Variants in ABTB3 observed in about 807,000 individuals in gnomAD.
ABTB3 encodes ankyrin repeat and BTB domain containing 3, also known as ankyrin repeat- and BTB/POZ domain-containing protein 3.
At chr12:107,577,150 T>C in the ABTB3 span, among the ~76,000 whole-genome samples, 129 of 152,318 alleles carry the variant, frequency 8.5e-4, 1 homozygote, top group East Asian at 1.9e-4. Context: ...CACTGCAATG[T>C]CAGAGTTGAG....
the ABTB3 span, among the ~76,000 whole-genome samples, chr12:107,474,070 C>T: frequency 6.6e-6 from 1 of 152,212 alleles, no homozygotes; most frequent in Non-Finnish European, 1.5e-5. Context: ...AGGCGTGAGC[C>T]ACTGCACCCA....
chr12:107,469,005 C>A, the ABTB3 span, among the ~76,000 whole-genome samples: 10 of 152,140 alleles, frequency 6.6e-5, no homozygotes, highest in Admixed American at 2.6e-4. Flanking sequence ...TCCTCCCACA[C>A]CCGCAAAAGT....
At chr12:107,370,481 T>C in the ABTB3 span, among the ~76,000 whole-genome samples, 3 of 152,236 alleles carry the variant, frequency 2.0e-5, no homozygotes, top group South Asian at 2.1e-4. Flanking sequence ...GGCTCTTGCC[T>C]GGGCATTTCT....
At chr12:107,329,624 T>C in the ABTB3 span, among the ~76,000 whole-genome samples, 1 of 152,234 alleles carries the variant, frequency 6.6e-6, no homozygotes, top group Non-Finnish European at 1.5e-5. Flanking sequence ...TGACCACTTA[T>C]TAGCTGTGTG....
chr12:107,501,732 G>A, the ABTB3 span, among the ~76,000 whole-genome samples: 1 of 151,982 alleles, frequency 6.6e-6, no homozygotes, highest in African/African-American at 2.4e-5. Flanking sequence ...GCCTGTTCAA[G>A]TGTGAGTTTG....
At chr12:107,654,884 T>C in the ABTB3 span, among the ~76,000 whole-genome samples, 1 of 150,078 alleles carries the variant, frequency 6.7e-6, no homozygotes, top group Non-Finnish European at 1.5e-5. Context: ...ATGAGGATTA[T>C]ACCAAAATCT....
At chr12:107,412,243 A>G in the ABTB3 span, among the ~76,000 whole-genome samples, 3 of 152,204 alleles carry the variant, frequency 2.0e-5, no homozygotes, top group South Asian at 2.1e-4. Flanking sequence ...TGTGGCAAAC[A>G]TAATACAATG....
the ABTB3 span, among the ~76,000 whole-genome samples, chr12:107,337,177 C>T: frequency 3.9e-5 from 6 of 152,228 alleles, no homozygotes; most frequent in Admixed American, 6.5e-5. Context: ...GGCGCAGCCC[C>T]GCTGTCTTCA....
chr12:107,515,609 A>G, the ABTB3 span, among the ~76,000 whole-genome samples: 2 of 152,210 alleles, frequency 1.3e-5, no homozygotes, highest in Non-Finnish European at 2.9e-5. Context: ...TACTTGACTT[A>G]GCCTCTGACT....
the ABTB3 span, chr12:107,614,987 C>A: frequency 7.7e-7 from 1 of 1,307,130 alleles, no homozygotes; most frequent in Non-Finnish European, 1.1e-6. Context: ...TGTGCCCAGC[C>A]ACAGATACGT....
At chr12:107,471,273 A>G in the ABTB3 span, among the ~76,000 whole-genome samples, 153 of 152,354 alleles carry the variant, frequency 1.0e-3, no homozygotes, top group Non-Finnish European at 2.1e-3. Flanking sequence ...GAAGTGAAGT[A>G]ACCATCACAA....
At chr12:107,508,455 T>G in the ABTB3 span, among the ~76,000 whole-genome samples, 39 of 126,078 alleles carry the variant, frequency 3.1e-4, 1 homozygote, top group Admixed American at 1.5e-3. Flanking sequence ...TTTTTTTTTT[T>G]TTTTTTTTTT....
chr12:107,517,280 A>C, the ABTB3 span, among the ~76,000 whole-genome samples: 1 of 152,280 alleles, frequency 6.6e-6, no homozygotes, highest in African/African-American at 2.4e-5. Context: ...GCCTTGTAGT[A>C]TAGCTTGAAG....
chr12:107,369,685 C>T, the ABTB3 span, among the ~76,000 whole-genome samples: 1 of 147,674 alleles, frequency 6.8e-6, no homozygotes, highest in Non-Finnish European at 1.5e-5. Flanking sequence ...AGGCATGAGC[C>T]ACCATACCCA....
the ABTB3 span, among the ~76,000 whole-genome samples, chr12:107,513,410 C>T: frequency 1.3e-5 from 2 of 152,078 alleles, no homozygotes; most frequent in African/African-American, 4.8e-5. Flanking sequence ...ATGTTGTTCT[C>T]CTGAAAGTGA....
the ABTB3 span, among the ~76,000 whole-genome samples, chr12:107,403,013 T>G: frequency 6.6e-6 from 1 of 152,192 alleles, no homozygotes; most frequent in Non-Finnish European, 1.5e-5. Flanking sequence ...ACATGGATCC[T>G]GCTCCTTCTT....
At chr12:107,598,413 C>T in the ABTB3 span, among the ~76,000 whole-genome samples, 2 of 152,240 alleles carry the variant, frequency 1.3e-5, no homozygotes, top group Non-Finnish European at 1.5e-5. Context: ...AACTTAATCA[C>T]ATGGCTATAG....
At chr12:107,405,885 T>C in the ABTB3 span, among the ~76,000 whole-genome samples, 55 of 152,368 alleles carry the variant, frequency 3.6e-4, no homozygotes, top group African/African-American at 1.3e-3. Context: ...CAGCTCCATC[T>C]TGGGTATCAT....
At chr12:107,594,194 T>C in the ABTB3 span, among the ~76,000 whole-genome samples, 32 of 152,332 alleles carry the variant, frequency 2.1e-4, no homozygotes, top group East Asian at 6.2e-3. Flanking sequence ...GCCTCGTCAT[T>C]TTCTACTCAA....
Sources: allele counts gnomAD v4.1 joint callset (sites outside exome capture counted in the v4.1 genomes callset), GRCh38; gene constraint gnomAD v4.1.1; transcripts MANE v1.5; gene names NCBI Gene and HGNC (gene_info 2026-07-23, HGNC 2026-07-21).